The following TENM3 variants were observed in gnomAD, a reference collection of about 807,000 sequenced individuals.
The protein encoded by TENM3 is teneurin transmembrane protein 3.
In TENM3, 63 loss-of-function variants were observed where a neutral mutation model predicts 255.1. That is an observed-to-expected ratio of 0.25 (90% CI 0.20 to 0.30). The LOEUF (loss-of-function observed/expected upper bound fraction) is 0.30, where lower values mean the gene tolerates loss of function less well. Ranked by LOEUF, TENM3 falls within the 10% of genes least tolerant of loss-of-function variation. TENM3 has a pLI of 1.00. For missense variants in TENM3, 2,929 were observed against 3,461.1 expected (o/e 0.85, Z 3.86); for synonymous variants, 1,306 against 1,322.3 (o/e 0.99, Z 0.27).
the TENM3 span, among the ~76,000 whole-genome samples, chr4:182,120,131 CTT>C: frequency 0.037 from 5,591 of 152,024 alleles, 136 homozygotes; most frequent in South Asian, 0.065. Flanking sequence ...ACTCCTTTCT[CTT>C]CTTCACTTTT....
At chr4:182,769,788 AATAAATAAATAC>A (rs1198216783) in intron 22 of TENM3, among the ~76,000 whole-genome samples, 2 of 149,708 alleles carry the variant, frequency 1.3e-5, no homozygotes, top group Non-Finnish European at 3.0e-5. Flanking sequence ...TGTCTCAAAA[AATAAATAAATAC>A]ATAAATAAAG....
At chr4:182,761,154 C>T (rs1297221961) in intron 22 of TENM3, among the ~76,000 whole-genome samples, 1 of 152,094 alleles carries the variant, frequency 6.6e-6, no homozygotes, top group African/African-American at 2.4e-5. Context: ...CACGGCGGCT[C>T]ACATCTGTAA....
At chr4:182,112,953 T>C in the TENM3 span, among the ~76,000 whole-genome samples, 49 of 152,336 alleles carry the variant, frequency 3.2e-4, 1 homozygote, top group African/African-American at 1.2e-3. Context: ...TTGTAAGACT[T>C]TGTCTAACAT....
intron 1 of TENM3, among the ~76,000 whole-genome samples, chr4:182,187,435 A>G (rs1256159261): frequency 6.6e-6 from 1 of 152,164 alleles, no homozygotes; most frequent in East Asian, 1.9e-4. Flanking sequence ...TCTTTGAGTC[A>G]AAGGAGGTTA....
At chr4:182,213,871 G>C (rs994090179) in intron 1 of TENM3, among the ~76,000 whole-genome samples, 4 of 151,922 alleles carry the variant, frequency 2.6e-5, no homozygotes, top group Admixed American at 6.6e-5. Flanking sequence ...GCGCGATCTC[G>C]GCTCACTGCA....
chr4:181,814,584 A>ATGCG, the TENM3 span, among the ~76,000 whole-genome samples: 1 of 117,004 alleles, frequency 8.5e-6, no homozygotes, highest in Non-Finnish European at 1.7e-5. Context: ...ATATTTTTAA[A>ATGCG]TGCGTGTGTG....
chr4:182,731,998 G>T (rs558513616), intron 16 of TENM3, among the ~76,000 whole-genome samples: 1 of 151,884 alleles, frequency 6.6e-6, no homozygotes, highest in African/African-American at 2.4e-5. Flanking sequence ...GGCCAGGATG[G>T]TCTCCATCTC....
At chr4:181,832,060 G>A in the TENM3 span, among the ~76,000 whole-genome samples, 6 of 144,258 alleles carry the variant, frequency 4.2e-5, no homozygotes, top group South Asian at 2.5e-4. Context: ...GGTCATTCAC[G>A]GTATGGAGAA....
chr4:181,801,949 T>C, the TENM3 span, among the ~76,000 whole-genome samples: 2 of 152,058 alleles, frequency 1.3e-5, no homozygotes, highest in Admixed American at 1.3e-4. Flanking sequence ...GACAGAAAAA[T>C]GCCCAAGCAG....
intron 1 of TENM3, among the ~76,000 whole-genome samples, chr4:182,300,986 T>C (rs1169066172): frequency 6.6e-6 from 1 of 152,194 alleles, no homozygotes; most frequent in Admixed American, 6.5e-5. Flanking sequence ...GTTCATTAGT[T>C]TTCTGTTGCA....
At chr4:182,777,351 A>G (rs1764753758) in intron 24 of TENM3, among the ~76,000 whole-genome samples, 1 of 152,104 alleles carries the variant, frequency 6.6e-6, no homozygotes, top group Non-Finnish European at 1.5e-5. Flanking sequence ...GCCTCACAAT[A>G]TGAATTCTCT....
At chr4:181,707,689 C>T in the TENM3 span, among the ~76,000 whole-genome samples, 19 of 152,308 alleles carry the variant, frequency 1.2e-4, no homozygotes, top group Non-Finnish European at 1.9e-4. Context: ...ATGACCTCAA[C>T]CCTCCATATT....
chr4:182,328,335 C>A (rs890827107), intron 2 of TENM3, among the ~76,000 whole-genome samples: 11 of 152,118 alleles, frequency 7.2e-5, no homozygotes, highest in Admixed American at 7.2e-4. Context: ...CCTGCCTCAG[C>A]TTCCCGAGTA....
At chr4:182,101,140 AAAGAAGGGAGGG>A in the TENM3 span, among the ~76,000 whole-genome samples, 1 of 113,326 alleles carries the variant, frequency 8.8e-6, no homozygotes, top group African/African-American at 3.5e-5. Flanking sequence ...GGAAGGAAGG[AAAGAAGGGAGGG>A]AGGAAGGAAA....
At chr4:181,963,057 G>C in the TENM3 span, among the ~76,000 whole-genome samples, 1 of 152,024 alleles carries the variant, frequency 6.6e-6, no homozygotes, top group Non-Finnish European at 1.5e-5. Flanking sequence ...TGAATACTTT[G>C]ACATAGATTG....
At chr4:181,730,077 C>G in the TENM3 span, among the ~76,000 whole-genome samples, 2 of 152,046 alleles carry the variant, frequency 1.3e-5, no homozygotes, top group Non-Finnish European at 1.5e-5. Flanking sequence ...TTTTATGCCT[C>G]GCAGGGCTCG....
chr4:182,064,755 A>T, the TENM3 span, among the ~76,000 whole-genome samples: 3,522 of 152,238 alleles, frequency 0.023, 125 homozygotes, highest in African/African-American at 0.08. Context: ...CTGAGCAGAC[A>T]CGAAGTGAAG....
At chr4:182,244,628 C>T (rs931644350) in intron 1 of TENM3, among the ~76,000 whole-genome samples, 2 of 152,180 alleles carry the variant, frequency 1.3e-5, no homozygotes, top group East Asian at 3.9e-4. Context: ...AGACGGGTCT[C>T]CTGGAATCCT....
At chr4:182,118,417 G>A in the TENM3 span, among the ~76,000 whole-genome samples, 1 of 151,972 alleles carries the variant, frequency 6.6e-6, no homozygotes, top group African/African-American at 2.4e-5. Context: ...TTAGCTGTAG[G>A]GGTTTTTTTG....
Sources: gnomAD v4.1 joint callset for allele counts (sites outside exome capture counted in the v4.1 genomes callset) on GRCh38, gnomAD v4.1.1 for gene constraint, MANE v1.5 for transcripts, NCBI Gene and HGNC (gene_info 2026-07-23, HGNC 2026-07-21) for gene names.